TTC7A: variants seen among roughly 807,000 people sequenced by gnomAD.
TTC7A encodes the protein tetratricopeptide repeat protein 7A.
A neutral mutation model predicts 103.7 loss-of-function variants in TTC7A; 110 were observed. The observed-to-expected ratio is 1.06, with a 90% confidence interval of 0.91 to 1.24. TTC7A has a LOEUF of 1.24. Among genes scored for constraint, TTC7A ranks in the 50% most tolerant of loss-of-function variants. The pLI is 0.00. For missense variants in TTC7A, 1,340 were observed against 1,116.3 expected, an observed-to-expected ratio of 1.20 and a Z score of -2.86; for synonymous variants, 521 against 467.9, an observed-to-expected ratio of 1.11 and a Z score of -1.47.
chr2:47,058,712 T>C (rs1683520793), intron 18 of TTC7A, among the ~76,000 whole-genome samples: 1 of 152,220 alleles, frequency 6.6e-6, no homozygotes, highest in Non-Finnish European at 1.5e-5. Flanking sequence ...TGGGGGCTGC[T>C]TTGGACAAAG....
chr2:46,930,725 C>A (rs1669655133), intron 2 of TTC7A, among the ~76,000 whole-genome samples: 1 of 152,110 alleles, frequency 6.6e-6, no homozygotes. Context: ...GTCTCGAACT[C>A]CTGACCTCAG....
At chr2:47,001,871 AAAAAAAAAG>A (rs1440258226) in intron 8 of TTC7A, among the ~76,000 whole-genome samples, 1 of 151,970 alleles carries the variant, frequency 6.6e-6, no homozygotes, top group Non-Finnish European at 1.5e-5. Flanking sequence ...AAAAAAAAAA[AAAAAAAAAG>A]AGTAATGCAT....
intron 12 of TTC7A, among the ~76,000 whole-genome samples, chr2:47,022,678 G>A (rs1042765235): frequency 6.6e-6 from 1 of 152,124 alleles, no homozygotes; most frequent in Non-Finnish European, 1.5e-5. Flanking sequence ...TGCTGGGAGC[G>A]GCAGTCACGG....
intron 10 of TTC7A, among the ~76,000 whole-genome samples, chr2:47,010,147 T>G (rs1428117280): frequency 1.3e-5 from 2 of 152,108 alleles, no homozygotes; most frequent in African/African-American, 2.4e-5. Flanking sequence ...ATTAAATCAC[T>G]TGGTATTTAA....
At chr2:47,041,141 C>T (rs1173704789) in intron 15 of TTC7A, among the ~76,000 whole-genome samples, 5 of 152,202 alleles carry the variant, frequency 3.3e-5, no homozygotes, top group African/African-American at 9.7e-5. Context: ...CACTGTTCCT[C>T]CCCAGGTCCT....
intron 9 of TTC7A, 98 bp downstream of exon 9, chr2:47,006,157 C>T (rs753614302): frequency 4.6e-5 from 68 of 1,489,418 alleles, no homozygotes; most frequent in East Asian, 9.2e-5. Context: ...CTGTCATTCC[C>T]CTGCCAGGCT....
chr2:46,991,168 G>A (rs923548755), intron 5 of TTC7A, among the ~76,000 whole-genome samples: 3 of 151,790 alleles, frequency 2.0e-5, no homozygotes, highest in Non-Finnish European at 4.4e-5. Context: ...CGCCAGCCTC[G>A]GCCTCCCAAA....
intron 18 of TTC7A, among the ~76,000 whole-genome samples, chr2:47,056,947 C>T (rs776368890): frequency 1.3e-5 from 2 of 152,128 alleles, no homozygotes; most frequent in African/African-American, 2.4e-5. Context: ...ATGATGACCT[C>T]GACAATGAAA....
chr2:47,074,260 G>T lies in TTC7A; in HGVS notation c.*337G>T. 2.8e-6 allele frequency: 1 copy of T among 357,690 alleles called. No individual in the cohort carries two copies. The highest frequency in any genetic ancestry group is 2.1e-5 in the African/African-American group (1 of 48,088). The allele number at this position is 357,690 out of a possible 1,614,324, so 22.2% of individuals were successfully genotyped here. ...CCTCTGGCTTGGAGTCTGGGTGGGG[G>T]GTTCTCACTCCCCACTCTCAGCACA... is the stretch of plus-strand genomic sequence containing the variant. On this transcript the variant is annotated 3_prime_UTR_variant, in exon 20 of 20. Transcript: ENST00000319190.
At chr2:46,944,311 C>T (rs2103917626) in intron 1 of TTC7A, among the ~76,000 whole-genome samples, 1 of 150,928 alleles carries the variant, frequency 6.6e-6, no homozygotes, top group East Asian at 1.9e-4. Context: ...ATGCTCAACC[C>T]TTTTCCTTCC....
rs549210674 is a variant in TTC7A at position 46,958,270 on chromosome 2, G to A, written c.517+1263G>A. Among the ~76,000 whole-genome samples the A allele has an allele frequency of 3.9e-5, 6 of 152,346 alleles. No homozygotes were observed. The South Asian group carries it at 1.2e-3, about 32-fold the overall frequency. On this transcript the variant is annotated intron_variant, in intron 3 of 19. Coordinates refer to ENST00000319190, the MANE Select transcript of TTC7A (RefSeq NM_020458.4). Reference sequence around the variant, plus strand: ...ACCTGGCAAGATGGTCACTGTGGGTGGTCTTCGTCCTTTGCTCTCTCATCC... The same window carrying A: ...ACCTGGCAAGATGGTCACTGTGGGTAGTCTTCGTCCTTTGCTCTCTCATCC...
At chr2:46,958,764 G>A (rs1487484529) in intron 3 of TTC7A, among the ~76,000 whole-genome samples, 3 of 152,198 alleles carry the variant, frequency 2.0e-5, no homozygotes, top group Non-Finnish European at 4.4e-5. Context: ...CCACCAGGGT[G>A]TGCATGATGT....
intron 3 of TTC7A, among the ~76,000 whole-genome samples, chr2:46,962,376 C>T (rs751637841): frequency 1.3e-5 from 2 of 152,200 alleles, no homozygotes; most frequent in African/African-American, 2.4e-5. Context: ...CCATTCTACC[C>T]AGTTAGGGGT....
chr2:47,068,942 A>G (rs1315478322), intron 19 of TTC7A, among the ~76,000 whole-genome samples: 1 of 147,178 alleles, frequency 6.8e-6, no homozygotes, highest in African/African-American at 2.5e-5. Flanking sequence ...CTCCCTGTCC[A>G]GCAGCCCCCT....
intron 15 of TTC7A, among the ~76,000 whole-genome samples, chr2:47,038,648 A>AC (rs1681415567): frequency 2.6e-5 from 1 of 38,850 alleles, no homozygotes; most frequent in African/African-American, 1.1e-4. Flanking sequence ...CCCTCCCCCC[A>AC]CCCACCCCCC....
intron 15 of TTC7A, 104 bp from the exon 16 acceptor site, chr2:47,046,211 G>C: frequency 2.4e-6 from 2 of 829,644 alleles, no homozygotes; most frequent in Admixed American, 1.8e-5. Context: ...TGCTTTCTGC[G>C]AGTTAGGGAG....
At chr2:47,015,984 C>T (rs1179383522) in intron 11 of TTC7A, among the ~76,000 whole-genome samples, 6 of 152,158 alleles carry the variant, frequency 3.9e-5, no homozygotes, top group Admixed American at 1.3e-4. Context: ...AAAAACTCTG[C>T]GGGCTCAGAA....
intron 19 of TTC7A, among the ~76,000 whole-genome samples, chr2:47,072,643 C>G (rs1373821890): frequency 6.6e-6 from 1 of 152,220 alleles, no homozygotes; most frequent in African/African-American, 2.4e-5. Context: ...AGCTCCCCAC[C>G]CCCACTGCGG....
chr2:47,072,288 T>C (rs1684807331), intron 19 of TTC7A, among the ~76,000 whole-genome samples: 1 of 152,144 alleles, frequency 6.6e-6, no homozygotes, highest in Non-Finnish European at 1.5e-5. Flanking sequence ...TCCGTGTGTG[T>C]GGTTCCTTGC....
Sources: gnomAD v4.1 joint callset for allele counts (sites outside exome capture counted in the v4.1 genomes callset) on GRCh38, gnomAD v4.1.1 for gene constraint, MANE v1.5 for transcripts, NCBI Gene and HGNC (gene_info 2026-07-23, HGNC 2026-07-21) for gene names.